The following KHDRBS3 variants were observed in gnomAD, a reference collection of about 807,000 sequenced individuals.
KHDRBS3 encodes KH domain-containing, RNA-binding, signal transduction-associated protein 3.
Under a neutral mutation model 45.6 loss-of-function variants are expected in KHDRBS3, and 23 were observed. That is an observed-to-expected ratio of 0.50 (90% CI 0.36 to 0.72). The LOEUF (loss-of-function observed/expected upper bound fraction) is 0.72, where lower values mean the gene tolerates loss of function less well. Among genes scored for constraint, KHDRBS3 ranks in the 30% least tolerant of loss-of-function variants. The probability of loss-of-function intolerance (pLI) is 0.00; values close to 1 mark genes in which losing one functional copy is unlikely to be tolerated. For synonymous variants in KHDRBS3, 162 were observed against 156.5 expected (o/e 1.04, Z -0.26); for missense variants, 352 against 424.8 (o/e 0.83, Z 1.51).
intron 1 of KHDRBS3, among the ~76,000 whole-genome samples, chr8:135,518,527 A>AC (rs1212372235): frequency 6.6e-6 from 1 of 152,124 alleles, no homozygotes; most frequent in African/African-American, 2.4e-5. Flanking sequence ...TGACACACAT[A>AC]CACATACCAT....
intron 1 of KHDRBS3, chr8:135,458,931 T>A (rs1346456720): frequency 2.2e-6 from 1 of 456,320 alleles, no homozygotes; most frequent in Non-Finnish European, 4.4e-6. Flanking sequence ...CCTTCCTTCC[T>A]GGGAGCAGTC....
At chr8:135,482,027 T>TA (rs1037668594) in intron 1 of KHDRBS3, among the ~76,000 whole-genome samples, 21 of 152,336 alleles carry the variant, frequency 1.4e-4, no homozygotes, top group Middle Eastern at 3.4e-3. Flanking sequence ...TGTTCCTTGA[T>TA]ACTGTTAAAT....
chr8:135,629,146 A>G (rs1830491432), intron 7 of KHDRBS3, among the ~76,000 whole-genome samples: 1 of 152,248 alleles, frequency 6.6e-6, no homozygotes, highest in Non-Finnish European at 1.5e-5. Context: ...GTAAAAGACA[A>G]AAAAGTTTGT....
chr8:135,481,273 CT>C (rs1554614716), intron 1 of KHDRBS3, among the ~76,000 whole-genome samples: 86 of 36,640 alleles, frequency 2.3e-3, no homozygotes, highest in East Asian at 3.1e-3. Context: ...CTTCTGTGTA[CT>C]TTTTTTTTTT....
chr8:135,478,210 G>A (rs1005850944), intron 1 of KHDRBS3, among the ~76,000 whole-genome samples: 3 of 152,210 alleles, frequency 2.0e-5, no homozygotes, highest in Non-Finnish European at 2.9e-5. Context: ...CCTCTAGAAG[G>A]AATGCTGCCT....
chr8:135,533,399 G>A (rs541469788), intron 2 of KHDRBS3, among the ~76,000 whole-genome samples: 3 of 152,218 alleles, frequency 2.0e-5, no homozygotes, highest in Admixed American at 1.3e-4. Flanking sequence ...TCTACGTATG[G>A]TAGTGTTAAT....
intron 1 of KHDRBS3, among the ~76,000 whole-genome samples, chr8:135,482,493 C>T (rs929325519): frequency 6.6e-6 from 1 of 152,158 alleles, no homozygotes; most frequent in Non-Finnish European, 1.5e-5. Context: ...CTCATGTTCT[C>T]TGAAATAATT....
At chr8:135,531,815 A>T (rs1306218030) in intron 2 of KHDRBS3, among the ~76,000 whole-genome samples, 3 of 152,174 alleles carry the variant, frequency 2.0e-5, no homozygotes, top group South Asian at 4.1e-4. Flanking sequence ...GTGGATCATA[A>T]CATTCGTGTA....
chr8:135,563,744 CT>C (rs779848609), intron 5 of KHDRBS3, among the ~76,000 whole-genome samples: 1 of 152,134 alleles, frequency 6.6e-6, no homozygotes, highest in African/African-American at 2.4e-5. Flanking sequence ...TGTGAAGGTA[CT>C]GGTTTTGTCT....
At chr8:135,482,837 G>A (rs1478040682) in intron 1 of KHDRBS3, among the ~76,000 whole-genome samples, 2 of 152,174 alleles carry the variant, frequency 1.3e-5, no homozygotes, top group Non-Finnish European at 1.5e-5. Flanking sequence ...GTTGGGAGGT[G>A]TGTATGAAGG....
intron 1 of KHDRBS3, among the ~76,000 whole-genome samples, chr8:135,518,778 C>CTG (rs3029845): frequency 2.6e-5 from 4 of 151,648 alleles, no homozygotes; most frequent in Non-Finnish European, 5.9e-5. Context: ...AATTTTCAAA[C>CTG]TGTGTGTGTG....
chr8:135,513,081 T>G (rs1473776367), intron 1 of KHDRBS3, among the ~76,000 whole-genome samples: 3 of 151,934 alleles, frequency 2.0e-5, no homozygotes, highest in Admixed American at 1.3e-4. Flanking sequence ...GCACCTGTAG[T>G]CCCAGCTACT....
chr8:135,551,309 A>G (rs1826587088), intron 4 of KHDRBS3, among the ~76,000 whole-genome samples: 1 of 152,112 alleles, frequency 6.6e-6, no homozygotes, highest in Non-Finnish European at 1.5e-5. Flanking sequence ...ACTGACTAGA[A>G]CCGTGAATGC....
intron 6 of KHDRBS3, among the ~76,000 whole-genome samples, chr8:135,592,685 T>C (rs982569463): frequency 7.9e-5 from 12 of 152,222 alleles, no homozygotes; most frequent in Non-Finnish European, 1.8e-4. Flanking sequence ...AAAAAGTTTT[T>C]TGACATGCAT....
At chr8:135,613,231 G>A (rs1018914204) in intron 7 of KHDRBS3, among the ~76,000 whole-genome samples, 2 of 151,868 alleles carry the variant, frequency 1.3e-5, no homozygotes, top group African/African-American at 4.9e-5. Flanking sequence ...TATTTGTGCC[G>A]ATGTATTATC....
At chr8:135,499,312 G>A (rs545434925) in intron 1 of KHDRBS3, among the ~76,000 whole-genome samples, 164 of 152,248 alleles carry the variant, frequency 1.1e-3, no homozygotes, top group African/African-American at 3.7e-3. Context: ...ATATTATTAT[G>A]TATATTTTGT....
chr8:135,654,866 T>C (rs1209655865), intron 4 of KHDRBS3, among the ~76,000 whole-genome samples: 1 of 152,218 alleles, frequency 6.6e-6, no homozygotes, highest in Non-Finnish European at 1.5e-5. Flanking sequence ...CCTCTCTTCT[T>C]CTCTGGTTAT....
intron 1 of KHDRBS3, among the ~76,000 whole-genome samples, chr8:135,469,522 GGTTTTTTTTTTTTTT>G (rs1821888597): frequency 3.8e-4 from 8 of 20,784 alleles, no homozygotes; most frequent in African/African-American, 9.2e-4. Flanking sequence ...TTTTTGTTTT[GGTTTTTTTTTTTTTT>G]TTTTTTTTTT....
At chr8:135,477,150 A>G (rs1194128507) in intron 1 of KHDRBS3, among the ~76,000 whole-genome samples, 2 of 152,170 alleles carry the variant, frequency 1.3e-5, no homozygotes, top group Non-Finnish European at 2.9e-5. Context: ...TATAGGTTAC[A>G]TATACAGATA....
Sources: gnomAD v4.1 joint callset for allele counts (sites outside exome capture counted in the v4.1 genomes callset) on GRCh38, gnomAD v4.1.1 for gene constraint, MANE v1.5 for transcripts, NCBI Gene and HGNC (gene_info 2026-07-23, HGNC 2026-07-21) for gene names.